WWTR1: variants seen among roughly 807,000 people sequenced by gnomAD.
WWTR1 encodes the protein WW domain containing transcription regulator 1.
In WWTR1, 13 loss-of-function variants were observed where a neutral mutation model predicts 40.1. That is an observed-to-expected ratio of 0.32 (90% CI 0.21 to 0.52). The LOEUF (loss-of-function observed/expected upper bound fraction) is 0.52. WWTR1 is among the 20% of genes least tolerant of loss of function. The probability of loss-of-function intolerance (pLI) is 0.97; values close to 1 mark genes in which losing one functional copy is unlikely to be tolerated. For missense variants in WWTR1, 436 were observed against 523.1 expected (o/e 0.83, Z 1.63); for synonymous variants, 230 against 210.1 (o/e 1.09, Z -0.82).
chr3:149,554,823 C>T (rs1736751200), intron 3 of WWTR1, among the ~76,000 whole-genome samples: 1 of 152,154 alleles, frequency 6.6e-6, no homozygotes, highest in Non-Finnish European at 1.5e-5. Flanking sequence ...GGAAGCACCT[C>T]TATGGAGTTA....
At chr3:149,590,790 A>G (rs1365171513) in intron 2 of WWTR1, among the ~76,000 whole-genome samples, 2 of 152,178 alleles carry the variant, frequency 1.3e-5, no homozygotes, top group East Asian at 3.8e-4. Context: ...TTGTGAACCC[A>G]AAGAGGCTGA....
At chr3:149,697,708 G>C (rs55941318) in intron 1 of WWTR1, among the ~76,000 whole-genome samples, 13,222 of 152,208 alleles carry the variant, frequency 0.087, 761 homozygotes, top group Middle Eastern at 0.14. Flanking sequence ...GTCTTAACTT[G>C]TTCCAGCCTT....
chr3:149,675,869 C>A (rs1047851276), intron 1 of WWTR1, among the ~76,000 whole-genome samples: 1 of 152,152 alleles, frequency 6.6e-6, no homozygotes, highest in Non-Finnish European at 1.5e-5. Flanking sequence ...AGGCGTCCAC[C>A]ACCATGCCCA....
chr3:149,661,893 T>C (rs113930877), upstream of WWTR1, among the ~76,000 whole-genome samples: 4,447 of 152,000 alleles, frequency 0.029, 211 homozygotes, highest in African/African-American at 0.1. Flanking sequence ...CCACCACACC[T>C]GGCTAATTTT....
chr3:149,522,934 C>T (rs1466216536), intron 6 of WWTR1, among the ~76,000 whole-genome samples: 6 of 151,926 alleles, frequency 3.9e-5, no homozygotes, highest in South Asian at 2.1e-4. Context: ...GGCATGGTGG[C>T]GCACCCCTGT....
rs144919149 is a variant in WWTR1 at position 149,695,488 on chromosome 3, C to T, written c.-108+7636G>A. Among the ~76,000 whole-genome samples the T allele has an allele frequency of 6.6e-3, 997 of 152,152 alleles. 11 individuals carry two copies. The highest frequency in any genetic ancestry group is 0.023 in the African/African-American group (952 of 41,518). ...AAAAAAATTATTAAAGGGATGGGCG[C>T]AGTGGCTTACACCTGTAATCACAGC... is the stretch of plus-strand genomic sequence containing the variant. On this transcript the variant is annotated intron_variant, in intron 1 of 7. Coordinates refer to the WWTR1 transcript ENST00000465804.
chr3:149,540,977 G>A (rs1339044164), intron 4 of WWTR1: 5 of 450,406 alleles, frequency 1.1e-5, no homozygotes, highest in Non-Finnish European at 2.2e-5. Context: ...GTGTATTTTT[G>A]AAAGTATCAA....
intron 3 of WWTR1, among the ~76,000 whole-genome samples, chr3:149,561,155 A>C (rs1576560719): frequency 2.6e-5 from 4 of 152,374 alleles, no homozygotes; most frequent in East Asian, 1.9e-4. Context: ...TTGAAACATC[A>C]TTTATAATGA....
intron 2 of WWTR1, among the ~76,000 whole-genome samples, chr3:149,574,726 G>A (rs1737799463): frequency 6.6e-6 from 1 of 151,656 alleles, no homozygotes; most frequent in Admixed American, 6.6e-5. Context: ...GTATTGCCAA[G>A]GGGAACTCAT....
At chr3:149,612,586 G>C (rs1396256796) in intron 2 of WWTR1, among the ~76,000 whole-genome samples, 1 of 152,086 alleles carries the variant, frequency 6.6e-6, no homozygotes, top group East Asian at 1.9e-4. Context: ...TCTTTTCAGG[G>C]AAGTGCCATA....
chr3:149,585,855 G>A (rs1319813979), intron 2 of WWTR1, among the ~76,000 whole-genome samples: 2 of 152,184 alleles, frequency 1.3e-5, no homozygotes, highest in East Asian at 3.8e-4. Context: ...TTTACAAGGA[G>A]ATAATAGTTC....
At chr3:149,613,715 T>C (rs1333240289) in intron 2 of WWTR1, among the ~76,000 whole-genome samples, 1 of 152,092 alleles carries the variant, frequency 6.6e-6, no homozygotes, top group African/African-American at 2.4e-5. Flanking sequence ...ACCCAGCTAA[T>C]TTTTTAATTT....
chr3:149,625,513 T>C (rs1177272771), intron 2 of WWTR1, among the ~76,000 whole-genome samples: 2 of 152,032 alleles, frequency 1.3e-5, no homozygotes, highest in Non-Finnish European at 2.9e-5. Context: ...GGGCTGAGCA[T>C]GGTATGGTGG....
intron 2 of WWTR1, among the ~76,000 whole-genome samples, chr3:149,579,526 T>C (rs1428664392): frequency 6.6e-6 from 1 of 150,486 alleles, no homozygotes; most frequent in African/African-American, 2.5e-5. Context: ...CCACAGATAA[T>C]GCTAGCCAGG....
At chr3:149,606,229 T>C (rs977955726) in intron 2 of WWTR1, among the ~76,000 whole-genome samples, 5 of 152,224 alleles carry the variant, frequency 3.3e-5, no homozygotes, top group Non-Finnish European at 5.9e-5. Flanking sequence ...ATTTTTGTTA[T>C]AGTAGCCTGG....
intron 2 of WWTR1, 103 bp from the exon 3 acceptor site, chr3:149,573,103 A>T: frequency 7.9e-7 from 1 of 1,260,664 alleles, no homozygotes; most frequent in Non-Finnish European, 1.1e-6. Context: ...TTCCCTTAGG[A>T]TCTGCTTGAG....
chr3:149,523,101 C>G (rs1169291332), intron 6 of WWTR1, among the ~76,000 whole-genome samples: 3 of 151,364 alleles, frequency 2.0e-5, no homozygotes, highest in Non-Finnish European at 4.4e-5. Flanking sequence ...ATCCTTTCTT[C>G]TCAGGATGGA....
chr3:149,564,517 T>C (rs1737221998), intron 3 of WWTR1, among the ~76,000 whole-genome samples: 1 of 151,788 alleles, frequency 6.6e-6, no homozygotes, highest in East Asian at 1.9e-4. Flanking sequence ...TTTTGGCTAT[T>C]ACAAAAGTAA....
At chr3:149,677,860 T>A (rs190958319) in intron 1 of WWTR1, among the ~76,000 whole-genome samples, 1 of 152,058 alleles carries the variant, frequency 6.6e-6, no homozygotes, top group Non-Finnish European at 1.5e-5. Context: ...GCCTCCCAAG[T>A]TGAAGCAATT....
Sources: allele counts gnomAD v4.1 joint callset (sites outside exome capture counted in the v4.1 genomes callset), GRCh38; gene constraint gnomAD v4.1.1; transcripts MANE v1.5; gene names NCBI Gene and HGNC (gene_info 2026-07-23, HGNC 2026-07-21).